Variants in SLC5A5 observed in about 807,000 individuals in gnomAD.
SLC5A5 encodes solute carrier family 5 member 5.
Under a neutral mutation model 68.6 loss-of-function variants are expected in SLC5A5, and 56 were observed. The observed-to-expected ratio is 0.82, with a 90% CI of 0.66 to 1.02. The LOEUF is 1.02. Ranked by LOEUF, SLC5A5 falls within the 50% of genes least tolerant of loss-of-function variation. The probability of loss-of-function intolerance (pLI) is 0.00; values close to 1 mark genes in which losing one functional copy is unlikely to be tolerated. For missense variants in SLC5A5, 807 were observed against 859.8 expected (o/e 0.94, Z 0.77); for synonymous variants, 398 against 373.0 (o/e 1.07, Z -0.77).
intron 12 of SLC5A5, among the ~76,000 whole-genome samples, chr19:17,885,246 A>C (rs2094330675): frequency 6.6e-6 from 1 of 151,466 alleles, no homozygotes; most frequent in Non-Finnish European, 1.5e-5. Context: ...CCTGGGCTCA[A>C]GCGATCTGCC....
In SLC5A5 at chr19:17,872,693, C is replaced by T. The variant is rs765040720; in HGVS notation, c.357+17C>T. 3.0e-5 allele frequency: 44 copies of T among 1,475,912 alleles called. No individual in the cohort carries two copies. Among genetic ancestry groups the T allele is most frequent in the Non-Finnish European group, 3.9e-5 (41 of 1,062,712 alleles). 91.4% of individuals were successfully genotyped at this position (1,475,912 alleles called of 1,614,324 possible). On this transcript the variant is annotated intron_variant, in intron 1 of 14. Transcript: ENST00000222248. ...ACCTACGAGGTACCGGACAGAGGCC[C>T]GGGGGTAGGACCTGCCCCACTGGCA...
At position 17,888,378 on chromosome 19, in the gene SLC5A5, C is replaced by T. The variant is rs2030008223; in HGVS notation, c.1574C>T (p.Ala525Val). 6.2e-7 allele frequency: 1 copy of T among 1,613,858 alleles called. No individual in the cohort carries two copies. Among genetic ancestry groups the T allele is most frequent in the Non-Finnish European group, 8.5e-7 (1 of 1,179,990 alleles). Residue 525 changes from alanine (A) to valine (V), a missense_variant, in exon 13 of 15, where the codon GCC becomes GTC. Ala to Val is a moderately conservative substitution (Grantham distance 64, BLOSUM62 0). Coordinates refer to ENST00000222248, the MANE Select transcript of SLC5A5 (RefSeq NM_000453.3). ...CCCGCCTTAGCTGACAGCTTCTATG[C>T]CATCTCCTATCTCTATTACGGTGCC... ...SRPALADSFY[A>V]ISYLYYGALG... is the part of the protein sequence containing the mutation.
chr19:17,874,445 A>G (rs1335925911), intron 2 of SLC5A5, 49 bp from the exon 3 acceptor site: 11 of 1,580,282 alleles, frequency 7.0e-6, no homozygotes, highest in Admixed American at 6.7e-5. Context: ...CCCATCCCCA[A>G]CTCGCCCAGA....
intron 12 of SLC5A5, among the ~76,000 whole-genome samples, chr19:17,885,327 GTTTATTTA>G (rs538196595): frequency 6.6e-6 from 1 of 151,310 alleles, no homozygotes; most frequent in East Asian, 1.9e-4. Context: ...TTTCTGTTTT[GTTTATTTA>G]TTTATTTATT....
At chr19:17,889,413 A>AGAAGGAAGGAAG (rs566834926) in intron 13 of SLC5A5, among the ~76,000 whole-genome samples, 2,617 of 137,704 alleles carry the variant, frequency 0.019, 109 homozygotes, top group East Asian at 0.084. Context: ...AAAGAAAGAA[A>AGAAGGAAGGAAG]GAAGGAAGGA....
chr19:17,877,608 A>G, intron 5 of SLC5A5, 115 bp from the exon 6 acceptor site: 1 of 1,392,192 alleles, frequency 7.2e-7, no homozygotes, highest in Non-Finnish European at 9.9e-7. Flanking sequence ...GCGCCTGGCC[A>G]ACAAAACCCA....
At chr19:17,874,573 T>C (rs1255078680) in intron 3 of SLC5A5, 28 bp downstream of exon 3, 2 of 1,613,288 alleles carry the variant, frequency 1.2e-6, no homozygotes, top group Admixed American at 1.7e-5. Context: ...TAGGGAAGCA[T>C]GTCTGGGAAG....
chr19:17,872,614 G>T lies in SLC5A5; in HGVS notation c.295G>T (p.Val99Phe). ...WMCLGQLLNSVLTALLFMPVF... is the reference protein window; with the variant it reads ...WMCLGQLLNSFLTALLFMPVF... Reference sequence around the variant, plus strand: ...GTGCCTGGGCCAGCTTCTGAACTCGGTCCTCACCGCCCTGCTCTTCATGCC... The same window carrying T: ...GTGCCTGGGCCAGCTTCTGAACTCGTTCCTCACCGCCCTGCTCTTCATGCC... Residue 99 changes from valine (V) to phenylalanine (F), a missense_variant, in exon 1 of 15, where the codon GTC becomes TTC. Physicochemically the swap from Val to Phe is conservative, Grantham distance 50 (BLOSUM62 -1). Coordinates refer to ENST00000222248, the MANE Select transcript of SLC5A5 (RefSeq NM_000453.3). The T allele has an allele frequency of 6.2e-7, 1 of 1,612,186 alleles. No homozygotes were observed. The highest frequency in any genetic ancestry group is 8.5e-7 in the Non-Finnish European group (1 of 1,179,850).
At chr19:17,881,073 C>A in intron 8 of SLC5A5, 120 bp downstream of exon 8, 1 of 800,680 alleles carries the variant, frequency 1.2e-6, no homozygotes, top group Non-Finnish European at 2.2e-6. Context: ...CCAGTTCCTG[C>A]TTGATCCCTA....
intron 14 of SLC5A5, among the ~76,000 whole-genome samples, chr19:17,892,222 C>T (rs770694140): frequency 2.2e-4 from 33 of 148,564 alleles, no homozygotes; most frequent in Non-Finnish European, 4.0e-4. Context: ...CAATTGAACC[C>T]GGGAGGTAGA....
In SLC5A5 at chr19:17,873,177, G is replaced by C. The variant is rs767975760; in HGVS notation, c.357+501G>C. Reference sequence around the variant, plus strand: ...GGGTAAAGCGATTAAAATCGTGACCGGGGCCCGGTGCGGTGGCTCACGCCT... The same window carrying C: ...GGGTAAAGCGATTAAAATCGTGACCCGGGCCCGGTGCGGTGGCTCACGCCT... On this transcript the variant is annotated intron_variant, in intron 1 of 14. Coordinates refer to ENST00000222248, the MANE Select transcript of SLC5A5 (RefSeq NM_000453.3). 5.3e-5 allele frequency among the ~76,000 whole-genome samples: 8 copies of C among 152,216 alleles called. No individual in the cohort carries two copies. In the East Asian group the frequency reaches 5.8e-4, roughly 11 times the overall value.
intron 10 of SLC5A5, among the ~76,000 whole-genome samples, chr19:17,883,183 C>T (rs1214696508): frequency 6.6e-6 from 1 of 151,922 alleles, no homozygotes; most frequent in African/African-American, 2.4e-5. Flanking sequence ...TTGTCTTGAA[C>T]TCCTGGCCTC....
At chr19:17,877,900 A>T in intron 6 of SLC5A5, 37 bp downstream of exon 6, 1 of 1,613,592 alleles carries the variant, frequency 6.2e-7, no homozygotes, top group Non-Finnish European at 8.5e-7. Context: ...GGTTTCTGGG[A>T]CATGCTGCCC....
At chr19:17,893,530 G>A (rs1205437195) in intron 14 of SLC5A5, among the ~76,000 whole-genome samples, 183 bp from the exon 15 acceptor site, 3 of 152,156 alleles carry the variant, frequency 2.0e-5, no homozygotes, top group Admixed American at 6.6e-5. Flanking sequence ...GAAGAGAAGC[G>A]CATGGAAATT....
chr19:17,883,523 G>GA (rs375451761), intron 10 of SLC5A5, among the ~76,000 whole-genome samples, 158 bp from the exon 11 acceptor site: 1 of 85,008 alleles, frequency 1.2e-5, no homozygotes, highest in Non-Finnish European at 2.5e-5. Context: ...GCAGGAACAA[G>GA]GGGGGGGGGT....
chr19:17,881,037 G>C, intron 8 of SLC5A5, 84 bp downstream of exon 8: 2 of 1,005,124 alleles, frequency 2.0e-6, no homozygotes, highest in Non-Finnish European at 3.2e-6. Flanking sequence ...CTGGGGCATG[G>C]AATGTTCTGG....
intron 12 of SLC5A5, among the ~76,000 whole-genome samples, chr19:17,885,312 A>G (rs2094330793): frequency 6.7e-6 from 1 of 148,522 alleles, no homozygotes; most frequent in Non-Finnish European, 1.5e-5. Context: ...GCCAACCAAG[A>G]ACATTTTCTG....
Position 17,883,602 on chromosome 19 carries a change from C to T in SLC5A5, c.1243-79C>T. 3.4e-6 allele frequency: 4 copies of T among 1,193,900 alleles called. No individual in the cohort carries two copies. The South Asian group carries it at 4.8e-5, about 14-fold the overall frequency. The allele number at this position is 1,193,900 out of a possible 1,614,324, so 74.0% of individuals were successfully genotyped here. On this transcript the variant is annotated intron_variant, in intron 10 of 14. Transcript: ENST00000222248. ...ACCCACATTGGAGTTCCTGAGGTCT[C>T]GCTTTCCCAGCGGGTAAACTGAGGC...
chr19:17,890,746 G>A (rs888435267), intron 13 of SLC5A5, 140 bp from the exon 14 acceptor site: 32 of 694,810 alleles, frequency 4.6e-5, no homozygotes, highest in African/African-American at 4.5e-4. Context: ...TCAGAGGCTT[G>A]CCAGGGTCCC....
Sources: gnomAD v4.1 joint callset for allele counts (sites outside exome capture counted in the v4.1 genomes callset) on GRCh38, gnomAD v4.1.1 for gene constraint, MANE v1.5 for transcripts, NCBI Gene and HGNC (gene_info 2026-07-23, HGNC 2026-07-21) for gene names.